Variants in PRDM10 observed in about 807,000 individuals in gnomAD.
PRDM10 encodes PR/SET domain 10.
In PRDM10, 65 loss-of-function variants were observed where a neutral mutation model predicts 133.1. That is an observed-to-expected ratio of 0.49 (90% CI 0.40 to 0.60). The LOEUF (loss-of-function observed/expected upper bound fraction) is 0.60, where lower values mean the gene tolerates loss of function less well. Ranked by LOEUF, PRDM10 falls within the 20% of genes least tolerant of loss-of-function variation. The pLI is 0.00. For synonymous variants in PRDM10, 582 were observed against 580.4 expected, an observed-to-expected ratio of 1.00 and a Z score of -0.04; for missense variants, 1,137 against 1,507.1, an observed-to-expected ratio of 0.75 and a Z score of 4.07.
At chr11:129,914,579 A>C in intron 17 of PRDM10, 125 bp downstream of exon 17, 1 of 1,339,970 alleles carries the variant, frequency 7.5e-7, no homozygotes, top group South Asian at 1.2e-5. Context: ...GCAGTTGTAA[A>C]ATGCCCAAGG....
intron 4 of PRDM10, among the ~76,000 whole-genome samples, chr11:129,950,938 A>T (rs1241977778): frequency 1.3e-5 from 2 of 152,190 alleles, no homozygotes; most frequent in Non-Finnish European, 2.9e-5. Flanking sequence ...TCACTTCCCC[A>T]TGCTGGACCT....
Position 129,992,339 on chromosome 11 carries a change from G to A in PRDM10, c.-119+10383C>T, listed in dbSNP as rs141284365. Among the ~76,000 whole-genome samples the A allele has an allele frequency of 7.2e-5, 11 of 152,316 alleles. No individual in the cohort carries two copies. The East Asian group carries it at 1.9e-3, about 27-fold the overall frequency. On this transcript the variant is annotated intron_variant, in intron 1 of 20. Transcript: ENST00000360871. ...TTATGGAGCACCTATCCCGTGCCAG[G>A]CACTGTCAGATGTCCTTTAAATACC...
intron 1 of PRDM10, among the ~76,000 whole-genome samples, chr11:129,961,396 C>G (rs1235250113): frequency 6.6e-6 from 1 of 152,028 alleles, no homozygotes; most frequent in African/African-American, 2.4e-5. Context: ...CCTCCGCCTC[C>G]TAGGTTTAAG....
intron 2 of PRDM10, 100 bp downstream of exon 2, chr11:129,960,796 G>A (rs1951781766): frequency 8.8e-6 from 11 of 1,247,206 alleles, no homozygotes; most frequent in South Asian, 7.6e-5. Context: ...GGCTCCTAAC[G>A]ACTAGTCACT....
intron 2 of PRDM10, 39 bp from the exon 3 acceptor site, chr11:129,957,949 G>C (rs1951728031): frequency 6.4e-7 from 1 of 1,569,810 alleles, no homozygotes; most frequent in East Asian, 2.2e-5. Flanking sequence ...ATCAGTATCA[G>C]GAAGGTAAGT....
At position 129,902,322 on chromosome 11, in the gene PRDM10, G is replaced by C. The variant is rs758630011; in HGVS notation, c.3462C>G (p.Thr1154=). ...NGNGSSEVHI[T]KP ...AGCTCCAGGGTGGAAGTCATGGTTT[G>C]GTGATATGCACTTCGCTGCTTCCGT... The change falls in exon 21 of 21, where the codon ACC becomes ACG. Residue 1154 remains threonine, a synonymous_variant. Coordinates refer to ENST00000360871, the MANE Select transcript of PRDM10 (RefSeq NM_199437.2). 6.2e-7 allele frequency: 1 copy of C among 1,613,902 alleles called. No individual in the cohort carries two copies. The highest frequency in any genetic ancestry group is 1.3e-5 in the African/African-American group (1 of 74,902).
rs1414309598 is a variant in PRDM10 at position 129,945,073 on chromosome 11, T to TA, written c.521-62dup. The TA allele has an allele frequency of 2.8e-5, 45 of 1,581,312 alleles. No homozygotes were observed. Among genetic ancestry groups the TA allele is most frequent in the Admixed American group, 1.2e-4 (6 of 49,546 alleles). ...TTCCTCAGTGTGACTTGATGTGAGG[T>TA]AAAAAATTCTGACCCGAAAAATCCC... On this transcript the variant is annotated intron_variant, in intron 5 of 20. Coordinates refer to ENST00000360871, the MANE Select transcript of PRDM10 (RefSeq NM_199437.2). The surrounding 1 kb of genome is among the most constrained non-coding windows in gnomAD (Gnocchi z 4.2).
rs1950583785 is a variant in PRDM10, at chr11:129,923,653, AG to A, written c.1879-251del. The stretch of plus-strand genomic sequence containing the variant: ...CGATGACTTGAAACGTGAGAGAGAG[AG>A]AGAGAGAGAGAGAGAGAGAGAGAGA... On this transcript the variant is annotated intron_variant, in intron 12 of 20. Transcript: ENST00000360871. This position sits in a 1 kb window ranked among gnomAD's most constrained non-coding sequence, Gnocchi z 4.4. Among the ~76,000 whole-genome samples, 3 of 131,398 alleles carry A rather than the reference AG, an allele frequency of 2.3e-5. No homozygotes were observed. The highest frequency in any genetic ancestry group is 3.4e-5 in the Non-Finnish European group (2 of 58,452). The allele number at this position is 131,398 out of a possible 152,430, so 86.2% of individuals were successfully genotyped here. A position where few individuals can be genotyped will look rare whatever the true frequency, so the allele number is the denominator to read the frequency against.
chr11:129,969,739 A>G (rs1951979636), intron 1 of PRDM10, among the ~76,000 whole-genome samples: 1 of 152,140 alleles, frequency 6.6e-6, no homozygotes, highest in Admixed American at 6.5e-5. Flanking sequence ...CCCGGAAGGC[A>G]GAGGTTGCAG....
intron 1 of PRDM10, among the ~76,000 whole-genome samples, chr11:129,965,188 CCCAGATCGTG>C (rs1256596264): frequency 6.6e-6 from 1 of 151,930 alleles, no homozygotes; most frequent in Admixed American, 6.6e-5. Context: ...TTGCAGAGAA[CCCAGATCGTG>C]CCACTGCACT....
intron 7 of PRDM10, among the ~76,000 whole-genome samples, chr11:129,941,524 C>T (rs1203972226): frequency 6.6e-6 from 1 of 152,098 alleles, no homozygotes; most frequent in Non-Finnish European, 1.5e-5. Flanking sequence ...TGAAGTTAAC[C>T]GACATCTTTA....
intron 1 of PRDM10, among the ~76,000 whole-genome samples, chr11:129,997,021 G>C (rs1316360574): frequency 6.6e-6 from 1 of 152,152 alleles, no homozygotes; most frequent in Non-Finnish European, 1.5e-5. Flanking sequence ...TTGCCCCTGA[G>C]GCAACGCTGT....
chr11:129,999,186 A>G (rs1424832365), intron 1 of PRDM10, among the ~76,000 whole-genome samples: 1 of 152,154 alleles, frequency 6.6e-6, no homozygotes, highest in Non-Finnish European at 1.5e-5. Context: ...GATTCAACTA[A>G]ACCACGTGAA....
At chr11:129,934,429 C>T (rs1480551038) in intron 9 of PRDM10, among the ~76,000 whole-genome samples, 1 of 152,150 alleles carries the variant, frequency 6.6e-6, no homozygotes, top group African/African-American at 2.4e-5. Context: ...TACTCCAAAC[C>T]ACCCTCATTC....
rs1950581441 is a variant in PRDM10, at chr11:129,923,643, T to TGACAGAGA, written c.1879-241_1879-240insTCTCTGTC. On this transcript the variant is annotated intron_variant, in intron 12 of 20. Coordinates refer to ENST00000360871, the MANE Select transcript of PRDM10 (RefSeq NM_199437.2). This position sits in a 1 kb window ranked among gnomAD's most constrained non-coding sequence, Gnocchi z 4.4. ...CGAACCTCCCCGATGACTTGAAACG[T>TGACAGAGA]GAGAGAGAGAGAGAGAGAGAGAGAG... is the stretch of plus-strand genomic sequence containing the variant. 1.5e-5 allele frequency among the ~76,000 whole-genome samples: 1 copy of TGACAGAGA among 65,866 alleles called. No individual in the cohort carries two copies. The highest frequency in any genetic ancestry group is 2.1e-4 in the Admixed American group (1 of 4,772). The allele number at this position is 65,866 out of a possible 152,430, so 43.2% of individuals were successfully genotyped here.
In PRDM10 at chr11:129,947,718, C is replaced by G. The variant is rs1380813795; in HGVS notation, c.295-348G>C. On this transcript the variant is annotated intron_variant, in intron 4 of 20. Transcript: ENST00000360871. This position sits in a 1 kb window ranked among gnomAD's most constrained non-coding sequence, Gnocchi z 4.6. ...CTGCGTCCTGACCCCACCCCTAAAA[C>G]TTAATAAAACCTGGTCTCTTCCTGG... is the stretch of plus-strand genomic sequence containing the variant. The G allele has an allele frequency of 4.3e-6, 2 of 468,770 alleles. No individual in the cohort carries two copies. Among genetic ancestry groups the G allele is most frequent in the Non-Finnish European group, 7.6e-6 (2 of 264,710 alleles). 29.0% of individuals were successfully genotyped at this position (468,770 alleles called of 1,614,324 possible). A position where few individuals can be genotyped will look rare whatever the true frequency, so the allele number is the denominator to read the frequency against.
In PRDM10 at chr11:129,945,624, C is replaced by T. The variant is rs765942758; in HGVS notation, c.521-612G>A. 9.9e-5 allele frequency among the ~76,000 whole-genome samples: 15 copies of T among 152,238 alleles called. No individual in the cohort carries two copies. Among genetic ancestry groups the T allele is most frequent in the Non-Finnish European group, 1.5e-4 (10 of 68,016 alleles). On this transcript the variant is annotated intron_variant, in intron 5 of 20. Coordinates refer to ENST00000360871, the MANE Select transcript of PRDM10 (RefSeq NM_199437.2). This position sits in a 1 kb window ranked among gnomAD's most constrained non-coding sequence, Gnocchi z 4.2. Reference sequence around the variant, plus strand: ...TTCACTGGGATGACACAACATTTTCCGCCCATTCCAAGAGCACTCGGTTTG... The same window carrying T: ...TTCACTGGGATGACACAACATTTTCTGCCCATTCCAAGAGCACTCGGTTTG...
Position 129,945,062 on chromosome 11 carries a change from T to A in PRDM10, c.521-50A>T. On this transcript the variant is annotated intron_variant, in intron 5 of 20. Transcript: ENST00000360871. This position sits in a 1 kb window ranked among gnomAD's most constrained non-coding sequence, Gnocchi z 4.2. ...GAAAAGTCCAATTCCTCAGTGTGAC[T>A]TGATGTGAGGTAAAAAATTCTGACC... The A allele has an allele frequency of 6.3e-7, 1 of 1,590,368 alleles. No individual in the cohort carries two copies. The highest frequency in any genetic ancestry group is 8.5e-7 in the Non-Finnish European group (1 of 1,174,044).
chr11:129,924,552 C>T (rs573002157), intron 12 of PRDM10, among the ~76,000 whole-genome samples: 15 of 152,264 alleles, frequency 9.9e-5, no homozygotes, highest in South Asian at 2.1e-4. Flanking sequence ...CCCTCAGAAA[C>T]GGGAGTATGT....
Sources: gnomAD v4.1 joint callset for allele counts (sites outside exome capture counted in the v4.1 genomes callset) on GRCh38, gnomAD v4.1.1 for gene constraint, Gnocchi (gnomAD v3.1) non-coding constraint, MANE v1.5 for transcripts, NCBI Gene and HGNC (gene_info 2026-07-23, HGNC 2026-07-21) for gene names.